Variants in SPTBN1 observed in about 807,000 individuals in gnomAD.
SPTBN1 encodes spectrin beta chain, non-erythrocytic 1.
In SPTBN1, 32 loss-of-function variants were observed where a neutral mutation model predicts 266.4. The ratio of observed to expected loss-of-function variants is 0.12; its 90% CI spans 0.09 to 0.16. The LOEUF is 0.16. Among genes scored for constraint, SPTBN1 ranks in the 10% least tolerant of loss-of-function variants. The probability of loss-of-function intolerance (pLI) is 1.00; values close to 1 mark genes in which losing one functional copy is unlikely to be tolerated. For synonymous variants in SPTBN1, 1,336 were observed against 1,162.2 expected, an observed-to-expected ratio of 1.15 and a Z score of -3.04; for missense variants, 2,296 against 3,067.1, an observed-to-expected ratio of 0.75 and a Z score of 5.94.
intron 4 of SPTBN1, among the ~76,000 whole-genome samples, chr2:54,613,139 C>T (rs571130386): frequency 5.5e-4 from 84 of 152,312 alleles, no homozygotes; most frequent in African/African-American, 1.9e-3. Flanking sequence ...TTGGTTCTTT[C>T]TCCAGGCTCA....
intron 2 of SPTBN1, among the ~76,000 whole-genome samples, chr2:54,561,249 A>G (rs189943811): frequency 1.3e-5 from 2 of 152,214 alleles, no homozygotes; most frequent in Non-Finnish European, 2.9e-5. Flanking sequence ...GGCTCAAGCC[A>G]TCCTCCCACC....
At chr2:54,556,941 C>CT (rs1672918102) in intron 2 of SPTBN1, among the ~76,000 whole-genome samples, 1 of 152,222 alleles carries the variant, frequency 6.6e-6, no homozygotes, top group African/African-American at 2.4e-5. Flanking sequence ...TAGTCAAGTG[C>CT]TTTTTCCAAG....
chr2:54,539,678 A>G (rs1210955099), intron 2 of SPTBN1, among the ~76,000 whole-genome samples: 2 of 152,126 alleles, frequency 1.3e-5, no homozygotes, highest in Non-Finnish European at 2.9e-5. Context: ...TAGCTGGGAC[A>G]ACAGGCACAC....
chr2:54,526,317 G>A (rs1396200799), intron 1 of SPTBN1, 55 bp from the exon 2 acceptor site: 19 of 1,434,944 alleles, frequency 1.3e-5, no homozygotes, highest in Middle Eastern at 1.9e-4. Flanking sequence ...AGTTGGTTCC[G>A]TGGGGACTGT....
chr2:54,547,411 CAATG>C (rs1672310065), intron 2 of SPTBN1, among the ~76,000 whole-genome samples: 1 of 152,184 alleles, frequency 6.6e-6, no homozygotes, highest in Non-Finnish European at 1.5e-5. Flanking sequence ...AATGATACTG[CAATG>C]AACATAGGAA....
intron 2 of SPTBN1, among the ~76,000 whole-genome samples, chr2:54,577,036 A>G (rs1674532862): frequency 6.6e-6 from 1 of 152,150 alleles, no homozygotes; most frequent in Non-Finnish European, 1.5e-5. Context: ...CTAGAATTCT[A>G]CTTGGGACAT....
At chr2:54,506,459 T>G (rs1407793038) in intron 1 of SPTBN1, among the ~76,000 whole-genome samples, 2 of 150,918 alleles carry the variant, frequency 1.3e-5, no homozygotes, top group Admixed American at 6.6e-5. Context: ...TCTGTTTGGT[T>G]TTTTTTTTTC....
intron 2 of SPTBN1, among the ~76,000 whole-genome samples, chr2:54,596,254 G>C (rs571440258): frequency 6.6e-5 from 10 of 152,206 alleles, no homozygotes; most frequent in African/African-American, 2.2e-4. Flanking sequence ...GTGCAGGGGT[G>C]ATGTCATTGT....
At position 54,597,148 on chromosome 2, in the gene SPTBN1, CA is replaced by C. The variant is rs575911181; in HGVS notation, c.149-1936del. On this transcript the variant is annotated intron_variant, in intron 2 of 35. Transcript: ENST00000356805. Reference sequence around the variant, plus strand: ...AACGCATAAAGGATTTTATAATTCACAAAAAAAATTGTTAACCCTAAATACA... The same window carrying C: ...AACGCATAAAGGATTTTATAATTCACAAAAAAATTGTTAACCCTAAATACA... 9.2e-5 allele frequency among the ~76,000 whole-genome samples: 14 copies of C among 152,068 alleles called. No individual in the cohort carries two copies. In the East Asian group the frequency reaches 1.2e-3, roughly 13 times the overall value.
chr2:54,474,149 CTGT>C (rs1231885194), intron 1 of SPTBN1, among the ~76,000 whole-genome samples: 1 of 152,154 alleles, frequency 6.6e-6, no homozygotes, highest in Admixed American at 6.5e-5. Flanking sequence ...GTTTCTACAG[CTGT>C]TGTTGGCTAG....
chr2:54,608,716 A>G (rs544833513), intron 3 of SPTBN1, among the ~76,000 whole-genome samples: 3 of 151,784 alleles, frequency 2.0e-5, no homozygotes, highest in South Asian at 4.2e-4. Context: ...GCGCGCATGC[A>G]CACACACAGT....
chr2:54,551,763 C>A (rs1370462976), intron 2 of SPTBN1, among the ~76,000 whole-genome samples: 1 of 152,168 alleles, frequency 6.6e-6, no homozygotes, highest in Non-Finnish European at 1.5e-5. Flanking sequence ...GAGAAAGAAC[C>A]ATCCATATCT....
intron 2 of SPTBN1, among the ~76,000 whole-genome samples, chr2:54,559,920 C>CTTTCA (rs1248786431): frequency 6.6e-6 from 1 of 152,132 alleles, no homozygotes; most frequent in East Asian, 1.9e-4. Flanking sequence ...GGGAGGATGT[C>CTTTCA]TTTCATTCAT....
In SPTBN1 at chr2:54,548,910, C is replaced by G. The variant is rs187403901; in HGVS notation, c.148+22344C>G. 2.8e-4 allele frequency among the ~76,000 whole-genome samples: 42 copies of G among 152,262 alleles called. No individual in the cohort carries two copies. In the East Asian group the frequency reaches 7.5e-3, roughly 27 times the overall value. The stretch of plus-strand genomic sequence containing the variant: ...ATGGTGCCACCTCCCTCACAGAGTC[C>G]TTGTTTTCATCAGTGTTCAGCTTTC... On this transcript the variant is annotated intron_variant, in intron 2 of 35. Transcript: ENST00000356805.
At position 54,620,657 on chromosome 2, in the gene SPTBN1, T is replaced by C. The variant is rs370859757; in HGVS notation, c.764-743T>C. On this transcript the variant is annotated intron_variant, in intron 7 of 35. Transcript: ENST00000356805. ...GAGTGAGACCCTGTCTCAAAAAATTTAGTAAGGAATACAGTGTTTGAGAGG... is the reference window on the plus strand; with the variant it reads ...GAGTGAGACCCTGTCTCAAAAAATTCAGTAAGGAATACAGTGTTTGAGAGG... 2.0e-5 allele frequency among the ~76,000 whole-genome samples: 3 copies of C among 152,132 alleles called. No homozygotes were observed. In the East Asian group the frequency reaches 5.8e-4, roughly 29 times the overall value.
chr2:54,506,743 C>G (rs1288362501), intron 1 of SPTBN1, among the ~76,000 whole-genome samples: 1 of 151,980 alleles, frequency 6.6e-6, no homozygotes, highest in African/African-American at 2.4e-5. Context: ...AATAAATACA[C>G]AGGTAATTAT....
rs201005640 is a variant in SPTBN1, at chr2:54,612,352, G to A, written c.474+18G>A. ...GCTTCCAGGTAAGGGTCTCTGCCCA[G>A]GGTTGCTCAGAACTTAGGCCGACCT... On this transcript the variant is annotated intron_variant, in intron 4 of 35. Transcript: ENST00000356805. 1.1e-4 allele frequency: 174 copies of A among 1,599,530 alleles called. No homozygotes were observed. The highest frequency in any genetic ancestry group is 1.4e-4 in the Non-Finnish European group (164 of 1,171,192).
At chr2:54,536,664 C>A (rs1671621106) in intron 2 of SPTBN1, among the ~76,000 whole-genome samples, 1 of 152,086 alleles carries the variant, frequency 6.6e-6, no homozygotes, top group Admixed American at 6.5e-5. Flanking sequence ...TGGTTAGGTC[C>A]TTCTGGTTGT....
chr2:54,650,594 A>G (rs937841626), intron 26 of SPTBN1, among the ~76,000 whole-genome samples: 1 of 152,214 alleles, frequency 6.6e-6, no homozygotes, highest in African/African-American at 2.4e-5. Flanking sequence ...TCATGGCCCT[A>G]GAGAAGAAGC....
Sources: allele counts gnomAD v4.1 joint callset (sites outside exome capture counted in the v4.1 genomes callset), GRCh38; gene constraint gnomAD v4.1.1; transcripts MANE v1.5; gene names NCBI Gene and HGNC (gene_info 2026-07-23, HGNC 2026-07-21).